The following DLGAP2 variants were observed in gnomAD, a reference collection of about 807,000 sequenced individuals.
DLGAP2 encodes DLG associated protein 2.
Under a neutral mutation model 100.3 loss-of-function variants are expected in DLGAP2, and 26 were observed. The observed-to-expected ratio is 0.26, with a 90% CI of 0.19 to 0.36. The LOEUF is 0.36. Ranked by LOEUF, DLGAP2 falls within the 10% of genes least tolerant of loss-of-function variation. The pLI is 1.00. For synonymous variants in DLGAP2, 886 were observed against 630.1 expected (o/e 1.41, Z -6.08); for missense variants, 1,858 against 1,453.2 (o/e 1.28, Z -4.53).
chr8:1,012,024 G>A (rs1215677379), intron 2 of DLGAP2, among the ~76,000 whole-genome samples: 1 of 152,198 alleles, frequency 6.6e-6, no homozygotes, highest in Non-Finnish European at 1.5e-5. Context: ...GGCTTTCACA[G>A]AAGATGTTTT....
chr8:1,463,642 C>T (rs768789791), intron 3 of DLGAP2, among the ~76,000 whole-genome samples: 2 of 152,204 alleles, frequency 1.3e-5, no homozygotes, highest in Non-Finnish European at 2.9e-5. Context: ...ATCCAGGAGG[C>T]GGTCGGGATA....
At chr8:960,235 A>ATTTTTTTTTTTTTTT (rs1209692955) in intron 2 of DLGAP2, among the ~76,000 whole-genome samples, 1 of 8,342 alleles carries the variant, frequency 1.2e-4, no homozygotes, top group African/African-American at 4.3e-4. Context: ...CCTGAAGTAT[A>ATTTTTTTTTTTTTTT]TCTTTTTTTT....
chr8:1,018,747 A>G (rs1221769132), intron 2 of DLGAP2: 1 of 152,242 alleles, frequency 6.6e-6, no homozygotes, highest in East Asian at 1.9e-4. Context: ...GTTAATTCAA[A>G]GGAAACACAT....
chr8:1,328,501 T>C (rs1286511144), intron 3 of DLGAP2, among the ~76,000 whole-genome samples: 6 of 151,684 alleles, frequency 4.0e-5, no homozygotes, highest in Non-Finnish European at 8.8e-5. Context: ...TTTGTTTTTT[T>C]GTTTGTTTGT....
chr8:1,178,701 T>C (rs1385649558), intron 2 of DLGAP2, among the ~76,000 whole-genome samples: 2 of 152,220 alleles, frequency 1.3e-5, no homozygotes, highest in African/African-American at 2.4e-5. Context: ...AATGTAGAAG[T>C]TTTAGCAACT....
chr8:1,458,464 C>T (rs1471906666), intron 3 of DLGAP2, among the ~76,000 whole-genome samples: 1 of 152,072 alleles, frequency 6.6e-6, no homozygotes, highest in African/African-American at 2.4e-5. Flanking sequence ...TGTTTTTGAC[C>T]TTCACAAATG....
intron 2 of DLGAP2, among the ~76,000 whole-genome samples, chr8:1,061,203 G>A (rs534054183): frequency 7.9e-5 from 12 of 152,256 alleles, no homozygotes; most frequent in African/African-American, 1.2e-4. Context: ...CTGTGGAATC[G>A]TCGCCCATCC....
At chr8:1,164,324 A>ATAGATTTTTCTGTGAACCCCC in intron 2 of DLGAP2, among the ~76,000 whole-genome samples, 1 of 74,380 alleles carries the variant, frequency 1.3e-5, no homozygotes, top group African/African-American at 4.2e-5. Context: ...GTTTGTGGGG[A>ATAGATTTTTCTGTGAACCCCC]CAGATTTTTC....
intron 4 of DLGAP2, among the ~76,000 whole-genome samples, chr8:1,541,751 C>T (rs1354169550): frequency 2.0e-5 from 3 of 152,212 alleles, no homozygotes; most frequent in Admixed American, 6.5e-5. Flanking sequence ...ATTAAGTAAC[C>T]ATCAGCCATT....
chr8:804,069 A>G (rs1485229551), intron 1 of DLGAP2, among the ~76,000 whole-genome samples: 1 of 152,296 alleles, frequency 6.6e-6, no homozygotes, highest in East Asian at 1.9e-4. Context: ...CAGAATAGGA[A>G]AAGGCCTCTC....
chr8:1,240,992 T>C (rs1181915916), intron 2 of DLGAP2, among the ~76,000 whole-genome samples: 3 of 5,714 alleles, frequency 5.3e-4, no homozygotes, highest in East Asian at 1.8e-3. Flanking sequence ...TCTCACATGG[T>C]GCTGTGTCTA....
chr8:1,145,740 T>C (rs1796594432), intron 2 of DLGAP2, among the ~76,000 whole-genome samples: 1 of 148,502 alleles, frequency 6.7e-6, no homozygotes, highest in Non-Finnish European at 1.5e-5. Flanking sequence ...ATTAGGTATA[T>C]CTCCTAATGC....
chr8:1,063,933 T>A (rs1426601950), intron 2 of DLGAP2, among the ~76,000 whole-genome samples: 2 of 152,206 alleles, frequency 1.3e-5, no homozygotes, highest in Non-Finnish European at 2.9e-5. Context: ...ACTTGCTGTT[T>A]AGCAACAAGT....
intron 3 of DLGAP2, among the ~76,000 whole-genome samples, chr8:1,430,555 A>C (rs954207461): frequency 6.6e-6 from 1 of 152,208 alleles, no homozygotes; most frequent in Admixed American, 6.5e-5. Context: ...GACAAACCCC[A>C]TTGCTTCTGG....
intron 13 of DLGAP2, 103 bp downstream of exon 13, chr8:1,691,729 T>A: frequency 6.0e-6 from 6 of 999,018 alleles, no homozygotes; most frequent in South Asian, 1.5e-5. Context: ...TTCCCATCGG[T>A]ATGCGGAATA....
chr8:1,614,401 A>C (rs1386267980), intron 6 of DLGAP2, among the ~76,000 whole-genome samples: 1 of 152,258 alleles, frequency 6.6e-6, no homozygotes, highest in African/African-American at 2.4e-5. Flanking sequence ...CTGGTACCAC[A>C]GGCAGGACAA....
chr8:859,252 C>T (rs1246285961), intron 1 of DLGAP2, among the ~76,000 whole-genome samples: 1 of 152,052 alleles, frequency 6.6e-6, no homozygotes, highest in Non-Finnish European at 1.5e-5. Context: ...GCTGGGATCA[C>T]AGGCGCACGC....
At chr8:879,357 G>C (rs985572346) in intron 1 of DLGAP2, among the ~76,000 whole-genome samples, 1 of 152,212 alleles carries the variant, frequency 6.6e-6, no homozygotes, top group Non-Finnish European at 1.5e-5. Flanking sequence ...TCTGCTTGGG[G>C]AGCGTAGGGT....
rs10108040 is a variant in DLGAP2, at chr8:771,802, T to A, written c.18+33977T>A. ...TTTACACTAACCATAAAAATTGAAG[T>A]GGCACATATAGAATAAACAATGGAA... On this transcript the variant is annotated intron_variant, in intron 1 of 14. Transcript: ENST00000637795. Among the ~76,000 whole-genome samples the A allele has an allele frequency of 5.6e-3, 860 of 152,380 alleles. 7 individuals carry two copies. Among genetic ancestry groups the A allele is most frequent in the African/African-American group, 0.02 (823 of 41,602 alleles).
Sources: allele counts gnomAD v4.1 joint callset (sites outside exome capture counted in the v4.1 genomes callset), GRCh38; gene constraint gnomAD v4.1.1; transcripts MANE v1.5; gene names NCBI Gene and HGNC (gene_info 2026-07-23, HGNC 2026-07-21).